Variants in MALRD1 observed in about 807,000 individuals in gnomAD.
The protein encoded by MALRD1 is MAM and LDL receptor class A domain containing 1, also known as MAM and LDL-receptor class A domain-containing protein 1.
MALRD1 carries 247 observed loss-of-function variants against 242.1 expected under a neutral mutation model. The ratio of observed to expected loss-of-function variants is 1.02; its 90% CI spans 0.92 to 1.13. The LOEUF is 1.13. MALRD1 is among the 50% of genes most tolerant of loss of function. MALRD1 has a pLI of 0.00. For synonymous variants in MALRD1, 995 were observed against 866.6 expected (o/e 1.15, Z -2.60); for missense variants, 2,989 against 2,533.1 (o/e 1.18, Z -3.86).
Position 19,165,693 on chromosome 10 carries a change from G to T in MALRD1, c.1713G>T (p.Thr571=), listed in dbSNP as rs1171186177. Reference sequence around the variant, plus strand: ...CAAATCTCTCAGTTTTTACAAGAACGTCTCTAGATGGAAACTTGCAAAAGC... The same window carrying T: ...CAAATCTCTCAGTTTTTACAAGAACTTCTCTAGATGGAAACTTGCAAAAGC... ...QHSNLSVFTR[T]SLDGNLQKQG... is the part of the protein sequence containing the mutation. Residue 571 remains threonine, a synonymous_variant, in exon 13 of 40, where the codon ACG becomes ACT. Transcript: ENST00000454679. The T allele has an allele frequency of 4.9e-6, 6 of 1,231,390 alleles. No homozygotes were observed. Among genetic ancestry groups the T allele is most frequent in the Non-Finnish European group, 6.1e-6 (6 of 987,900 alleles). 76.3% of individuals were successfully genotyped at this position (1,231,390 alleles called of 1,614,324 possible).
chr10:19,150,196 T>C (rs1268811118), intron 11 of MALRD1, among the ~76,000 whole-genome samples: 3 of 152,222 alleles, frequency 2.0e-5, no homozygotes, highest in Non-Finnish European at 2.9e-5. Context: ...TGGTTTGAGT[T>C]CTCTATCCAA....
chr10:19,326,164 T>C (rs937946884), intron 22 of MALRD1, among the ~76,000 whole-genome samples: 15 of 152,132 alleles, frequency 9.9e-5, no homozygotes, highest in African/African-American at 2.7e-4. Flanking sequence ...CGTTAAAACT[T>C]ATTGTTGTAA....
At chr10:19,386,222 AC>A (rs1260679765) in intron 26 of MALRD1, among the ~76,000 whole-genome samples, 1 of 152,084 alleles carries the variant, frequency 6.6e-6, no homozygotes, top group East Asian at 1.9e-4. Flanking sequence ...AGGTTGTATC[AC>A]CAGCCGTTTC....
intron 18 of MALRD1, among the ~76,000 whole-genome samples, chr10:19,254,478 T>G (rs1315186791): frequency 6.6e-6 from 1 of 152,032 alleles, no homozygotes; most frequent in Non-Finnish European, 1.5e-5. Context: ...TACCTACATG[T>G]GCATTGCCAT....
chr10:19,612,488 C>A (rs1838945503), intron 35 of MALRD1, among the ~76,000 whole-genome samples: 1 of 151,988 alleles, frequency 6.6e-6, no homozygotes, highest in Admixed American at 6.6e-5. Context: ...TGATCCTATA[C>A]TGCAACTTCC....
intron 14 of MALRD1, among the ~76,000 whole-genome samples, chr10:19,179,395 A>G (rs1835399785): frequency 6.6e-6 from 1 of 152,174 alleles, no homozygotes; most frequent in Non-Finnish European, 1.5e-5. Context: ...CAAGCCTGTA[A>G]TCCCAGCACT....
intron 18 of MALRD1, among the ~76,000 whole-genome samples, chr10:19,233,204 T>TA (rs1838158138): frequency 6.6e-6 from 1 of 152,116 alleles, no homozygotes; most frequent in South Asian, 2.1e-4. Context: ...TCCTCTGAGT[T>TA]AAAAACTATT....
chr10:19,216,563 GTTAT>G (rs1837323080), intron 18 of MALRD1, among the ~76,000 whole-genome samples: 1 of 151,934 alleles, frequency 6.6e-6, no homozygotes, highest in Non-Finnish European at 1.5e-5. Flanking sequence ...ATCATAGTGT[GTTAT>G]TTGTTTAATT....
At chr10:19,211,875 G>A (rs1837087826) in intron 18 of MALRD1, among the ~76,000 whole-genome samples, 1 of 152,072 alleles carries the variant, frequency 6.6e-6, no homozygotes, top group Non-Finnish European at 1.5e-5. Context: ...CAGCAGATAG[G>A]AGGTACTCAT....
chr10:19,342,348 A>G (rs908620654), intron 24 of MALRD1, among the ~76,000 whole-genome samples: 3 of 152,098 alleles, frequency 2.0e-5, no homozygotes, highest in Non-Finnish European at 4.4e-5. Context: ...ATTATCTGAC[A>G]TATTACTACC....
intron 32 of MALRD1, among the ~76,000 whole-genome samples, chr10:19,544,125 G>T (rs538178410): frequency 6.6e-6 from 1 of 151,470 alleles, no homozygotes; most frequent in South Asian, 2.1e-4. Flanking sequence ...TTTTGGTTGT[G>T]TGTTTTCTAC....
intron 26 of MALRD1, among the ~76,000 whole-genome samples, chr10:19,368,532 A>G (rs1239034647): frequency 6.6e-6 from 1 of 152,014 alleles, no homozygotes; most frequent in African/African-American, 2.4e-5. Context: ...TTTGTAATGT[A>G]TTTTGAAGTT....
At chr10:19,148,708 C>T (rs1833809991) in intron 11 of MALRD1, among the ~76,000 whole-genome samples, 1 of 149,148 alleles carries the variant, frequency 6.7e-6, no homozygotes, top group African/African-American at 2.5e-5. Context: ...AAACTAGGGG[C>T]AGCTGGTCTC....
intron 18 of MALRD1, among the ~76,000 whole-genome samples, chr10:19,240,472 T>G (rs1377327826): frequency 2.0e-5 from 3 of 151,996 alleles, no homozygotes; most frequent in East Asian, 3.9e-4. Context: ...ATCATATATA[T>G]AGATGTATAC....
At chr10:19,559,473 T>A (rs1461083150) in intron 32 of MALRD1, among the ~76,000 whole-genome samples, 1 of 152,188 alleles carries the variant, frequency 6.6e-6, no homozygotes, top group Non-Finnish European at 1.5e-5. Context: ...AAGCATATTT[T>A]ATTTTTAATT....
At chr10:19,172,301 A>T (rs970651172) in intron 13 of MALRD1, among the ~76,000 whole-genome samples, 1 of 151,276 alleles carries the variant, frequency 6.6e-6, no homozygotes, top group Non-Finnish European at 1.5e-5. Flanking sequence ...GTCATTATTT[A>T]CAGGTGTAAC....
intron 38 of MALRD1, among the ~76,000 whole-genome samples, chr10:19,704,123 T>C (rs926304634): frequency 1.6e-5 from 2 of 121,256 alleles, no homozygotes; most frequent in Non-Finnish European, 3.8e-5. Flanking sequence ...AAGTTAAAAA[T>C]CAGAATTTTT....
intron 4 of MALRD1, among the ~76,000 whole-genome samples, chr10:19,095,152 G>T (rs1281605370): frequency 6.6e-6 from 1 of 152,108 alleles, no homozygotes; most frequent in African/African-American, 2.4e-5. Context: ...GATTAAATTG[G>T]ATTCAATTTT....
At chr10:19,102,100 C>A (rs576533875) in intron 4 of MALRD1, among the ~76,000 whole-genome samples, 3 of 141,450 alleles carry the variant, frequency 2.1e-5, no homozygotes, top group Non-Finnish European at 3.0e-5. Flanking sequence ...ATTATTATAT[C>A]ATATATGATA....
Sources: gnomAD v4.1 joint callset for allele counts (sites outside exome capture counted in the v4.1 genomes callset) on GRCh38, gnomAD v4.1.1 for gene constraint, MANE v1.5 for transcripts, NCBI Gene and HGNC (gene_info 2026-07-23, HGNC 2026-07-21) for gene names.